HELZ: variants seen among roughly 807,000 people sequenced by gnomAD.
HELZ encodes the protein helicase with zinc finger.
In HELZ, 23 loss-of-function variants were observed where a neutral mutation model predicts 218.2. The ratio of observed to expected loss-of-function variants is 0.11; its 90% CI spans 0.08 to 0.15. HELZ has a LOEUF of 0.15. HELZ is among the 10% of genes least tolerant of loss of function. The pLI, the probability that HELZ is intolerant of heterozygous loss-of-function variation, is 1.00. For synonymous variants in HELZ, 814 were observed against 829.4 expected, an observed-to-expected ratio of 0.98 and a Z score of 0.32; for missense variants, 1,813 against 2,353.7, an observed-to-expected ratio of 0.77 and a Z score of 4.75.
chr17:67,120,781 A>G (rs1447781825), intron 26 of HELZ, among the ~76,000 whole-genome samples, 169 bp from the exon 27 acceptor site: 1 of 152,216 alleles, frequency 6.6e-6, no homozygotes, highest in Non-Finnish European at 1.5e-5. Context: ...TAATACTAAC[A>G]ATTGTGTCTT....
In HELZ at chr17:67,239,430, C is replaced by T. The variant is rs2041266176; in HGVS notation, c.-19+3G>A. The T allele has an allele frequency of 6.6e-6, 1 of 152,250 alleles. No individual in the cohort carries two copies. Among genetic ancestry groups the T allele is most frequent in the African/African-American group, 2.4e-5 (1 of 41,462 alleles). 9.4% of individuals were successfully genotyped at this position (152,250 alleles called of 1,614,324 possible). ...TCTAAATAAAGTTCTAAACCTTACTCACCTGCAGTTCACTGCACTGGGTAT... is the reference window on the plus strand; with the variant it reads ...TCTAAATAAAGTTCTAAACCTTACTTACCTGCAGTTCACTGCACTGGGTAT... On this transcript the variant is annotated splice_donor_region_variant and intron_variant, in intron 3 of 32. Transcript: ENST00000358691.
At chr17:67,146,613 GAC>G (rs759284720) in intron 20 of HELZ, among the ~76,000 whole-genome samples, 7 of 152,188 alleles carry the variant, frequency 4.6e-5, no homozygotes, top group Non-Finnish European at 7.3e-5. Context: ...ACAACTGAAA[GAC>G]AGTCAAGCCG....
intron 3 of HELZ, among the ~76,000 whole-genome samples, chr17:67,231,473 G>C (rs1329846691): frequency 6.6e-6 from 1 of 150,518 alleles, no homozygotes; most frequent in Non-Finnish European, 1.5e-5. Flanking sequence ...GGCGCCTGTA[G>C]TCCTAGCTAC....
intron 9 of HELZ, among the ~76,000 whole-genome samples, chr17:67,191,794 C>A (rs2039903929): frequency 6.8e-6 from 1 of 146,322 alleles, no homozygotes; most frequent in African/African-American, 2.5e-5. Context: ...ATGGCATTAA[C>A]TTTTTAAAAA....
chr17:67,128,423 CA>C (rs2037870360), intron 24 of HELZ: 6 of 543,200 alleles, frequency 1.1e-5, no homozygotes, highest in Non-Finnish European at 2.0e-5. Context: ...CAGAAGTTAT[CA>C]GTATTAAAAA....
chr17:67,191,817 C>A (rs565408281), intron 9 of HELZ, among the ~76,000 whole-genome samples: 2 of 149,990 alleles, frequency 1.3e-5, no homozygotes, highest in Non-Finnish European at 3.0e-5. Context: ...TTTTAAATAC[C>A]CTGCAAAATT....
chr17:67,218,484 C>T, intron 4 of HELZ, 111 bp downstream of exon 4: 2 of 821,082 alleles, frequency 2.4e-6, no homozygotes, highest in Admixed American at 2.0e-5. Flanking sequence ...AATCACCAGC[C>T]ACTTCACTCA....
At chr17:67,220,233 G>A (rs2040709183) in intron 3 of HELZ, among the ~76,000 whole-genome samples, 1 of 152,150 alleles carries the variant, frequency 6.6e-6, no homozygotes, top group South Asian at 2.1e-4. Context: ...GCAAGATGAG[G>A]GGAGAAAAGT....
chr17:67,245,147 C>G lies in HELZ; in HGVS notation c.-132+1G>C. 1 of 985,214 alleles carries G rather than the reference C, an allele frequency of 1.0e-6. No homozygotes were observed. The allele number at this position is 985,214 out of a possible 1,614,324, so 61.0% of individuals were successfully genotyped here. ...CAGAGAAGGGGGAAGTCAGGACTTA[C>G]CTGTCATTACTTTCTACGCCATCTT... is the stretch of plus-strand genomic sequence containing the variant. On this transcript the variant is annotated splice_donor_variant, in intron 1 of 32. Transcript: ENST00000358691. LOFTEE classifies it low-confidence loss of function (5UTR_SPLICE).
Position 67,075,599 on chromosome 17 carries a change from G to C in HELZ, c.*2653C>G, listed in dbSNP as rs1372764141. ...CCTCATTTTGATGGAAACTTGCAAT[G>C]ATTCTTACACAAGACGTGTTCAAAA... On this transcript the variant is annotated 3_prime_UTR_variant, in exon 33 of 33. Transcript: ENST00000358691. 6.6e-6 allele frequency: 1 copy of C among 152,202 alleles called. No homozygotes were observed. The highest frequency in any genetic ancestry group is 3.2e-3 in the Middle Eastern group (1 of 316). 9.4% of individuals were successfully genotyped at this position (152,202 alleles called of 1,614,324 possible).
chr17:67,193,344 C>CAAAAAA (rs34516607), intron 9 of HELZ, among the ~76,000 whole-genome samples: 6 of 91,880 alleles, frequency 6.5e-5, no homozygotes, highest in South Asian at 3.6e-4. Flanking sequence ...GACTCTGTCT[C>CAAAAAA]AAAAAAAAAA....
At chr17:67,129,053 TTGTATTATAG>T (rs1158877740) in intron 23 of HELZ, among the ~76,000 whole-genome samples, 198 bp from the exon 24 acceptor site, 1 of 152,212 alleles carries the variant, frequency 6.6e-6, no homozygotes, top group African/African-American at 2.4e-5. Context: ...CAGTCATACC[TTGTATTATAG>T]TACATATAAA....
At chr17:67,138,327 C>T (rs1392393334) in intron 21 of HELZ, among the ~76,000 whole-genome samples, 1 of 151,986 alleles carries the variant, frequency 6.6e-6, no homozygotes, top group Non-Finnish European at 1.5e-5. Context: ...GTAAAATTCT[C>T]CAATAATACA....
At position 67,201,161 on chromosome 17, in the gene HELZ, T is replaced by G. The variant is rs1307604794; in HGVS notation, c.397A>C (p.Thr133Pro). 6.2e-7 allele frequency: 1 copy of G among 1,609,528 alleles called. No individual in the cohort carries two copies. Among genetic ancestry groups the G allele is most frequent in the East Asian group, 2.2e-5 (1 of 44,884 alleles). The change falls in exon 7 of 33, where the codon ACA (threonine) becomes CCA (proline). Residue 133 changes from threonine (T) to proline (P), a missense_variant. Thr to Pro is a conservative substitution (Grantham distance 38). This residue lies in a region of HELZ where 714 missense variants were observed against 1,029.2 expected (regional missense o/e 0.69). Transcript: ENST00000358691. The stretch of plus-strand genomic sequence containing the variant: ...TCTGAGAGAAGTGTTTTTAGTCTTG[T>G]CAAATCCTTTGTTACCATCCCATTC... ...SLNGMVTKDLTRLKTLLSETE... is the reference protein window; with the variant it reads ...SLNGMVTKDLPRLKTLLSETE...
In HELZ at chr17:67,148,649, T is replaced by G; in HGVS notation, c.2541A>C (p.Arg847=). The part of the protein sequence containing the change: ...ERNLHVSLLD[R]LYEHYPAEFP... Reference sequence around the variant, plus strand: ...ACTCAGCAGGGTAATGCTCATAGAGTCGGTCAAGTAATGAAACGTGAAGGT... The same window carrying G: ...ACTCAGCAGGGTAATGCTCATAGAGGCGGTCAAGTAATGAAACGTGAAGGT... The change falls in exon 20 of 33, where the codon CGA becomes CGC. Residue 847 remains arginine (R), a synonymous_variant. Transcript: ENST00000358691. The G allele has an allele frequency of 6.2e-7, 1 of 1,613,506 alleles. No homozygotes were observed. Among genetic ancestry groups the G allele is most frequent in the Non-Finnish European group, 8.5e-7 (1 of 1,179,680 alleles).
At position 67,173,529 on chromosome 17, in the gene HELZ, C is replaced by T. The variant is rs555560033; in HGVS notation, c.1430+5130G>A. Among the ~76,000 whole-genome samples the T allele has an allele frequency of 3.3e-5, 5 of 152,274 alleles. No individual in the cohort carries two copies. The South Asian group carries it at 1.0e-3, about 32-fold the overall frequency. On this transcript the variant is annotated intron_variant, in intron 13 of 32. Transcript: ENST00000358691. ...GCTCTATCAACCTTAGTAACAATTC[C>T]ATCTCTTGAGTGCAACTTTCAAAAA...
At chr17:67,219,529 A>C (rs2040689083) in intron 3 of HELZ, among the ~76,000 whole-genome samples, 1 of 152,244 alleles carries the variant, frequency 6.6e-6, no homozygotes, top group Non-Finnish European at 1.5e-5. Flanking sequence ...CACCATACAG[A>C]TGACAGGGAG....
In HELZ at chr17:67,161,214, A is replaced by G. The variant is rs544062217; in HGVS notation, c.1896-138T>C. The G allele has an allele frequency of 6.0e-5, 36 of 604,524 alleles. No homozygotes were observed. The South Asian group carries it at 1.0e-3, about 17-fold the overall frequency. 37.4% of individuals were successfully genotyped at this position (604,524 alleles called of 1,614,324 possible). Reference sequence around the variant, plus strand: ...ATCTATAAAAACAAATGCTTATTCTAAAGCTACTTTTTATAAAGTTACCCA... The same window carrying G: ...ATCTATAAAAACAAATGCTTATTCTGAAGCTACTTTTTATAAAGTTACCCA... On this transcript the variant is annotated intron_variant, in intron 15 of 32. Transcript: ENST00000358691.
chr17:67,198,085 GA>G (rs1373501690), intron 7 of HELZ, among the ~76,000 whole-genome samples: 2 of 152,104 alleles, frequency 1.3e-5, no homozygotes, highest in Non-Finnish European at 2.9e-5. Flanking sequence ...TATATAAATA[GA>G]TAGGCTAAAA....
Sources: gnomAD v4.1 joint callset for allele counts (sites outside exome capture counted in the v4.1 genomes callset) on GRCh38, gnomAD v4.1.1 for gene constraint, gnomAD v4.1.1 regional missense constraint, MANE v1.5 for transcripts, NCBI Gene and HGNC (gene_info 2026-07-23, HGNC 2026-07-21) for gene names.